The following RNF125 variants were observed in gnomAD, a reference collection of about 807,000 sequenced individuals.
RNF125 encodes the protein ring finger protein 125.
Under a neutral mutation model 26.0 loss-of-function variants are expected in RNF125, and 21 were observed. The ratio of observed to expected loss-of-function variants is 0.81; its 90% confidence interval spans 0.57 to 1.16. The LOEUF (loss-of-function observed/expected upper bound fraction) is 1.16, where lower values mean the gene tolerates loss of function less well. RNF125 is among the 50% of genes most tolerant of loss of function. The pLI is 0.00. For synonymous variants in RNF125, 95 were observed against 109.2 expected (o/e 0.87, Z 0.81); for missense variants, 270 against 299.4 (o/e 0.90, Z 0.72).
chr18:32,020,022 GTGTGTGTGTGTT>G (rs1169435112), intron 1 of RNF125, among the ~76,000 whole-genome samples: 5 of 146,934 alleles, frequency 3.4e-5, no homozygotes, highest in Admixed American at 1.5e-4. Context: ...GTGTGTGTGT[GTGTGTGTGTGTT>G]TGAGAGAGAG....
chr18:32,036,683 G>A (rs2144462468), intron 1 of RNF125, among the ~76,000 whole-genome samples: 1 of 150,316 alleles, frequency 6.7e-6, no homozygotes, highest in Non-Finnish European at 1.5e-5. Context: ...AGGAGAAAAT[G>A]GTTTTATAGG....
chr18:32,064,009 T>G (rs893064602), intron 4 of RNF125, among the ~76,000 whole-genome samples: 1 of 151,792 alleles, frequency 6.6e-6, no homozygotes, highest in African/African-American at 2.4e-5. Context: ...TTTTTTTTCT[T>G]TTTGAGACAG....
intron 3 of RNF125, among the ~76,000 whole-genome samples, 173 bp downstream of exon 3, chr18:32,042,446 T>C (rs1436454228): frequency 1.3e-5 from 2 of 152,190 alleles, no homozygotes; most frequent in African/African-American, 4.8e-5. Flanking sequence ...TGTTAAGGAA[T>C]TTTGCACTGT....
Position 32,068,898 on chromosome 18 carries a change from C to CTCT in RNF125, c.*514_*515insTCT, listed in dbSNP as rs2144520706. The stretch of plus-strand genomic sequence containing the variant: ...AGTTGGAAAGGAAAATTTTGGAAGT[C>CTCT]AAGAAAGTCCATTTAGGCCGGACGC... On this transcript the variant is annotated 3_prime_UTR_variant, in exon 6 of 6. Transcript: ENST00000217740. The CTCT allele has an allele frequency of 6.6e-6, 1 of 152,462 alleles. No homozygotes were observed. The highest frequency in any genetic ancestry group is 2.4e-5 in the African/African-American group (1 of 41,494). 9.4% of individuals were successfully genotyped at this position (152,462 alleles called of 1,614,324 possible). A position where few individuals can be genotyped will look rare whatever the true frequency, so the allele number is the denominator to read the frequency against.
chr18:32,048,257 CAAAA>C lies in RNF125; in HGVS notation c.504+2541_504+2544del, dbSNP rs56147477. Among the ~76,000 whole-genome samples the C allele has an allele frequency of 3.9e-3, 454 of 117,794 alleles. 2 individuals are homozygous for C. The highest frequency in any genetic ancestry group is 0.012 in the African/African-American group (387 of 32,674). The allele number at this position is 117,794 out of a possible 152,430, so 77.3% of individuals were successfully genotyped here. A position where few individuals can be genotyped will look rare whatever the true frequency, so the allele number is the denominator to read the frequency against. On this transcript the variant is annotated intron_variant, in intron 4 of 5. Coordinates refer to ENST00000217740, the MANE Select transcript of RNF125 (RefSeq NM_017831.4). The stretch of plus-strand genomic sequence containing the variant: ...TGAAACCCTGTCTCTACTAAAAATA[CAAAA>C]AAAAAAAAAAAAAAATTAGCCGGGT...
At position 32,041,409 on chromosome 18, in the gene RNF125, C is replaced by T. The variant is rs550862002; in HGVS notation, c.319-770C>T. Among the ~76,000 whole-genome samples, 6 of 152,140 alleles carry T rather than the reference C, an allele frequency of 3.9e-5. No homozygotes were observed. The East Asian group carries it at 1.2e-3, about 29-fold the overall frequency. On this transcript the variant is annotated intron_variant, in intron 2 of 5. Transcript: ENST00000217740. ...TGTTTCATTTAACTTGCTATGGGCACCTCTAAAATGTATCCATTTATTCTT... is the reference window on the plus strand; with the variant it reads ...TGTTTCATTTAACTTGCTATGGGCATCTCTAAAATGTATCCATTTATTCTT...
intron 1 of RNF125, among the ~76,000 whole-genome samples, chr18:32,030,726 G>T (rs1279521064): frequency 2.6e-5 from 4 of 152,188 alleles, no homozygotes; most frequent in African/African-American, 7.2e-5. Context: ...ATAAAGAAAA[G>T]AATCTTTTCA....
At chr18:32,081,776 C>T in the RNF125 span, among the ~76,000 whole-genome samples, 6,748 of 152,188 alleles carry the variant, frequency 0.044, 217 homozygotes, top group Non-Finnish European at 0.063. Context: ...TGGTTTCTCT[C>T]TCATGATTAG....
At chr18:32,032,201 C>T (rs1032912534) in intron 1 of RNF125, among the ~76,000 whole-genome samples, 2 of 152,116 alleles carry the variant, frequency 1.3e-5, no homozygotes, top group Non-Finnish European at 2.9e-5. Flanking sequence ...CTCAGCCTCC[C>T]GAGTAGCTGG....
At chr18:32,039,602 A>C (rs1039843775) in intron 2 of RNF125, among the ~76,000 whole-genome samples, 2 of 152,136 alleles carry the variant, frequency 1.3e-5, no homozygotes, top group Admixed American at 6.5e-5. Context: ...TCTTCACATA[A>C]AATTCATACA....
chr18:32,065,850 C>G, intron 4 of RNF125, 52 bp from the exon 5 acceptor site: 1 of 1,298,284 alleles, frequency 7.7e-7, no homozygotes, highest in Non-Finnish European at 1.1e-6. Flanking sequence ...AATTCTAACA[C>G]TAATAACGAT....
intron 4 of RNF125, among the ~76,000 whole-genome samples, chr18:32,050,258 A>G (rs1301025752): frequency 2.6e-5 from 4 of 152,178 alleles, no homozygotes; most frequent in African/African-American, 4.8e-5. Flanking sequence ...GACTTTTCTT[A>G]TATGCATCCT....
chr18:32,065,057 T>A (rs1215633508), intron 4 of RNF125, among the ~76,000 whole-genome samples: 1 of 152,236 alleles, frequency 6.6e-6, no homozygotes, highest in Non-Finnish European at 1.5e-5. Flanking sequence ...AGTTATATTG[T>A]TATGTATGCA....
intron 3 of RNF125, among the ~76,000 whole-genome samples, chr18:32,045,320 A>G (rs1401104005): frequency 1.3e-5 from 2 of 151,982 alleles, no homozygotes; most frequent in African/African-American, 2.4e-5. Context: ...GCACTTTGGG[A>G]GGCCGAGGTG....
At chr18:32,039,017 C>T (rs897211917) in intron 2 of RNF125, among the ~76,000 whole-genome samples, 20 of 151,710 alleles carry the variant, frequency 1.3e-4, no homozygotes, top group Middle Eastern at 3.4e-3. Flanking sequence ...CTGCCCGCCT[C>T]GGACTCCCAA....
At chr18:32,037,527 C>G (rs2039170670) in intron 2 of RNF125, among the ~76,000 whole-genome samples, 1 of 151,852 alleles carries the variant, frequency 6.6e-6, no homozygotes, top group Non-Finnish European at 1.5e-5. Context: ...CACCTGCCAT[C>G]ACGCCTGGCT....
chr18:32,052,742 C>T (rs1019833049), intron 4 of RNF125, among the ~76,000 whole-genome samples: 3 of 152,044 alleles, frequency 2.0e-5, no homozygotes, highest in Admixed American at 6.6e-5. Context: ...TCTGAAGGAT[C>T]GAATCCTTTG....
rs927935725 is a variant in RNF125 at position 32,045,494 on chromosome 18, G to A, written c.414-148G>A. 54 of 397,202 alleles carry A rather than the reference G, an allele frequency of 1.4e-4. 1 individual carries two copies. Among genetic ancestry groups the A allele is most frequent in the Non-Finnish European group, 1.4e-4 (29 of 214,802 alleles). The allele number at this position is 397,202 out of a possible 1,614,324, so 24.6% of individuals were successfully genotyped here. On this transcript the variant is annotated intron_variant, in intron 3 of 5. Coordinates refer to ENST00000217740, the MANE Select transcript of RNF125 (RefSeq NM_017831.4). ...GGATCCCTTGAACCCGGGAGGTGGG[G>A]AGGTTGCATTGAGCTGAGATCATGC... is the stretch of plus-strand genomic sequence containing the variant.
intron 4 of RNF125, among the ~76,000 whole-genome samples, chr18:32,057,597 A>G (rs1410746554): frequency 6.6e-6 from 1 of 152,010 alleles, no homozygotes; most frequent in African/African-American, 2.4e-5. Context: ...AGCCTCCCAA[A>G]ATGCTGGGAT....
Sources: allele counts gnomAD v4.1 joint callset (sites outside exome capture counted in the v4.1 genomes callset), GRCh38; gene constraint gnomAD v4.1.1; transcripts MANE v1.5; gene names NCBI Gene and HGNC (gene_info 2026-07-23, HGNC 2026-07-21).